Variants in MKX observed in about 807,000 individuals in gnomAD.
MKX encodes mohawk homeobox, also known as homeobox protein Mohawk.
In MKX, 13 loss-of-function variants were observed where a neutral mutation model predicts 36.0. That is an observed-to-expected ratio of 0.36 (90% confidence interval 0.24 to 0.57). MKX has a LOEUF of 0.57. MKX is among the 20% of genes least tolerant of loss of function. The pLI is 0.79. For synonymous variants in MKX, 176 were observed against 178.3 expected, an observed-to-expected ratio of 0.99 and a Z score of 0.10; for missense variants, 458 against 456.4, an observed-to-expected ratio of 1.00 and a Z score of -0.03.
intron 5 of MKX, among the ~76,000 whole-genome samples, chr10:27,703,678 C>G (rs1203147075): frequency 6.6e-6 from 1 of 152,052 alleles, no homozygotes; most frequent in African/African-American, 2.4e-5. Flanking sequence ...GCGGGCGGAT[C>G]ACTTGAGGTC....
At chr10:27,711,584 C>CT (rs1203292891) in intron 5 of MKX, among the ~76,000 whole-genome samples, 3 of 111,312 alleles carry the variant, frequency 2.7e-5, no homozygotes, top group South Asian at 3.0e-4. Context: ...TTCTTTTTTT[C>CT]TTTTTTTTTC....
At chr10:27,738,593 T>G (rs1307153202) in intron 3 of MKX, among the ~76,000 whole-genome samples, 2 of 152,066 alleles carry the variant, frequency 1.3e-5, no homozygotes, top group Non-Finnish European at 2.9e-5. Flanking sequence ...TAGATATGAC[T>G]AATTTATATA....
chr10:27,717,607 C>A (rs141424850), intron 5 of MKX, among the ~76,000 whole-genome samples: 1 of 152,192 alleles, frequency 6.6e-6, no homozygotes, highest in African/African-American at 2.4e-5. Flanking sequence ...GCATCTCCAA[C>A]AGGATATACA....
intron 5 of MKX, among the ~76,000 whole-genome samples, chr10:27,728,227 G>A (rs1258622785): frequency 6.6e-6 from 1 of 152,214 alleles, no homozygotes; most frequent in Non-Finnish European, 1.5e-5. Flanking sequence ...ATAAGTATCC[G>A]AGGTAGACTT....
chr10:27,741,654 G>A lies in MKX; in HGVS notation c.189-150C>T. ...GCGCGCGCCCAGAGTGTTTGGGAGA[G>A]GCAGGAAGTGGGAGCCACACAGTTT... is the stretch of plus-strand genomic sequence containing the variant. On this transcript the variant is annotated intron_variant, in intron 2 of 6. Coordinates refer to ENST00000419761, the MANE Select transcript of MKX (RefSeq NM_173576.3). This position sits in a 1 kb window ranked among gnomAD's most constrained non-coding sequence, Gnocchi z 5.1. 2 of 835,390 alleles carry A rather than the reference G, an allele frequency of 2.4e-6. No homozygotes were observed. The highest frequency in any genetic ancestry group is 3.6e-6 in the Non-Finnish European group (2 of 560,754). 51.7% of individuals were successfully genotyped at this position (835,390 alleles called of 1,614,324 possible).
At chr10:27,691,598 T>C (rs575605762) in intron 5 of MKX, among the ~76,000 whole-genome samples, 1 of 152,314 alleles carries the variant, frequency 6.6e-6, no homozygotes, top group East Asian at 1.9e-4. Flanking sequence ...TATGCAGGTT[T>C]GTTACACAGG....
intron 5 of MKX, among the ~76,000 whole-genome samples, chr10:27,711,427 TTC>T (rs200251890): frequency 2.7e-4 from 34 of 128,106 alleles, no homozygotes; most frequent in East Asian, 5.8e-4. Flanking sequence ...TTTCTTTCTT[TTC>T]TCTTTCTTTC....
intron 2 of MKX, 34 bp downstream of exon 2, chr10:27,743,194 C>G (rs765912516): frequency 7.0e-7 from 1 of 1,427,452 alleles, no homozygotes; most frequent in Admixed American, 3.2e-5. Flanking sequence ...CTCCGGGCCG[C>G]AGGCGGGCAG....
At chr10:27,703,729 T>C (rs1836703120) in intron 5 of MKX, among the ~76,000 whole-genome samples, 2 of 151,872 alleles carry the variant, frequency 1.3e-5, no homozygotes, top group South Asian at 4.2e-4. Context: ...TGAAACCCCA[T>C]CTCTACTAAA....
chr10:27,695,091 A>C (rs529555861), intron 5 of MKX, among the ~76,000 whole-genome samples: 8 of 152,084 alleles, frequency 5.3e-5, no homozygotes, highest in African/African-American at 7.2e-5. Flanking sequence ...CTGAGCCTCA[A>C]AATGTGTCCC....
At chr10:27,715,912 A>G (rs553744883) in intron 5 of MKX, among the ~76,000 whole-genome samples, 1 of 69,458 alleles carries the variant, frequency 1.4e-5, no homozygotes, top group African/African-American at 5.7e-5. Context: ...GCATAGTGGG[A>G]AAAAAAGGTA....
intron 5 of MKX, among the ~76,000 whole-genome samples, chr10:27,730,861 G>A (rs574276915): frequency 1.2e-3 from 189 of 151,910 alleles, no homozygotes; most frequent in African/African-American, 2.0e-3. Flanking sequence ...GCAGCCGGGC[G>A]CGGTGGCTCA....
In MKX at chr10:27,675,567, G is replaced by T; in HGVS notation, c.839-13C>A. On this transcript the variant is annotated splice_polypyrimidine_tract_variant and intron_variant, in intron 5 of 6. Transcript: ENST00000419761. The stretch of plus-strand genomic sequence containing the variant: ...TTTTCCAGAGTGTCTGTAAAGAAAA[G>T]CAAAAATTCAATTATTTTTATGTTT... 6.2e-7 allele frequency: 1 copy of T among 1,611,572 alleles called. No individual in the cohort carries two copies. Among genetic ancestry groups the T allele is most frequent in the Non-Finnish European group, 8.5e-7 (1 of 1,178,818 alleles).
chr10:27,717,985 G>A (rs924516925), intron 5 of MKX, among the ~76,000 whole-genome samples: 2 of 152,192 alleles, frequency 1.3e-5, no homozygotes, highest in African/African-American at 2.4e-5. Flanking sequence ...TTTTAAATTC[G>A]TTACTGTGTA....
chr10:27,698,177 G>T (rs764175169), intron 5 of MKX, among the ~76,000 whole-genome samples: 3 of 152,106 alleles, frequency 2.0e-5, no homozygotes, highest in African/African-American at 7.2e-5. Flanking sequence ...AATATGAAAG[G>T]GCAGCTGGAA....
intron 5 of MKX, among the ~76,000 whole-genome samples, chr10:27,695,477 A>G (rs1313126718): frequency 6.6e-6 from 1 of 152,294 alleles, no homozygotes; most frequent in South Asian, 2.1e-4. Context: ...CTCAGTAACC[A>G]GTTCTATTAT....
At chr10:27,702,738 C>T (rs1836679853) in intron 5 of MKX, among the ~76,000 whole-genome samples, 1 of 152,032 alleles carries the variant, frequency 6.6e-6, no homozygotes, top group South Asian at 2.1e-4. Flanking sequence ...AGACTTACAG[C>T]TGAATCAAAC....
intron 5 of MKX, among the ~76,000 whole-genome samples, chr10:27,733,425 G>A (rs1005484025): frequency 6.6e-6 from 1 of 152,184 alleles, no homozygotes; most frequent in Non-Finnish European, 1.5e-5. Context: ...ATAGGGCCTA[G>A]TATACCATAA....
intron 1 of MKX, among the ~76,000 whole-genome samples, chr10:27,745,115 C>T (rs1835022809): frequency 6.6e-6 from 1 of 152,200 alleles, no homozygotes; most frequent in African/African-American, 2.4e-5. Flanking sequence ...CACCCTTCCC[C>T]GGCCCGGCCT....
Sources: gnomAD v4.1 joint callset for allele counts (sites outside exome capture counted in the v4.1 genomes callset) on GRCh38, gnomAD v4.1.1 for gene constraint, Gnocchi (gnomAD v3.1) non-coding constraint, MANE v1.5 for transcripts, NCBI Gene and HGNC (gene_info 2026-07-23, HGNC 2026-07-21) for gene names.